UNC5D: variants seen among roughly 807,000 people sequenced by gnomAD.
UNC5D encodes unc-5 netrin receptor D, also known as netrin receptor UNC5D.
A neutral mutation model predicts 105.4 loss-of-function variants in UNC5D; 39 were observed. The ratio of observed to expected loss-of-function variants is 0.37; its 90% CI spans 0.29 to 0.48. The LOEUF (loss-of-function observed/expected upper bound fraction) is 0.48. Ranked by LOEUF, UNC5D falls within the 20% of genes least tolerant of loss-of-function variation. UNC5D has a pLI of 0.98. For synonymous variants in UNC5D, 452 were observed against 450.4 expected (o/e 1.00, Z -0.04); for missense variants, 991 against 1,202.4 (o/e 0.82, Z 2.60).
intron 3 of UNC5D, among the ~76,000 whole-genome samples, chr8:35,592,584 A>G (rs538489672): frequency 6.6e-6 from 1 of 152,294 alleles, no homozygotes; most frequent in African/African-American, 2.4e-5. Context: ...TATATTTAGT[A>G]GCTAACTTGA....
At chr8:35,771,421 C>CA (rs1410520238) in intron 15 of UNC5D, among the ~76,000 whole-genome samples, 14 of 151,130 alleles carry the variant, frequency 9.3e-5, no homozygotes, top group African/African-American at 1.9e-4. Flanking sequence ...TGTATAGAAT[C>CA]AAAAAAAAAT....
intron 1 of UNC5D, among the ~76,000 whole-genome samples, chr8:35,414,602 A>G (rs1210119676): frequency 6.6e-6 from 1 of 152,176 alleles, no homozygotes. Context: ...AAAATTACAC[A>G]GGCCATAAGT....
At chr8:35,476,811 T>G (rs1248605499) in intron 1 of UNC5D, among the ~76,000 whole-genome samples, 1 of 152,202 alleles carries the variant, frequency 6.6e-6, no homozygotes, top group Non-Finnish European at 1.5e-5. Context: ...AAATGAAGGA[T>G]TTTGCATACA....
At chr8:35,657,957 G>A (rs1223481675) in intron 4 of UNC5D, among the ~76,000 whole-genome samples, 4 of 152,088 alleles carry the variant, frequency 2.6e-5, no homozygotes, top group Non-Finnish European at 5.9e-5. Flanking sequence ...AGTAGGAATA[G>A]AAAGGTTTTA....
intron 1 of UNC5D, among the ~76,000 whole-genome samples, chr8:35,377,223 T>C (rs1041556031): frequency 3.9e-5 from 6 of 152,192 alleles, no homozygotes; most frequent in African/African-American, 1.4e-4. Flanking sequence ...CAATCTGAGC[T>C]GGGATGCAGT....
chr8:35,774,195 C>T (rs1802133649), intron 15 of UNC5D, 104 bp from the exon 16 acceptor site: 6 of 1,279,178 alleles, frequency 4.7e-6, no homozygotes, highest in African/African-American at 1.5e-5. Context: ...AACAGGCAAG[C>T]ATTTTGTGCA....
chr8:35,692,750 G>A (rs192815619), intron 7 of UNC5D, among the ~76,000 whole-genome samples: 4 of 152,266 alleles, frequency 2.6e-5, no homozygotes, highest in African/African-American at 4.8e-5. Flanking sequence ...TAACATACCA[G>A]CACAATATAT....
At chr8:35,533,238 T>C (rs1291825093) in intron 1 of UNC5D, among the ~76,000 whole-genome samples, 1 of 152,252 alleles carries the variant, frequency 6.6e-6, no homozygotes, top group Non-Finnish European at 1.5e-5. Context: ...ATGGATGTCC[T>C]TTCTGTTTGT....
chr8:35,533,608 A>G (rs1814582664), intron 1 of UNC5D, among the ~76,000 whole-genome samples: 1 of 152,180 alleles, frequency 6.6e-6, no homozygotes, highest in Admixed American at 6.5e-5. Flanking sequence ...TTGTTTACCT[A>G]AGCAAGCCTG....
chr8:35,746,142 C>T (rs375606070), intron 11 of UNC5D, among the ~76,000 whole-genome samples: 11 of 152,078 alleles, frequency 7.2e-5, no homozygotes, highest in South Asian at 2.1e-4. Context: ...CAGAAATCTC[C>T]GGTAACAGAG....
chr8:35,254,127 T>C (rs1245024397), intron 1 of UNC5D, among the ~76,000 whole-genome samples: 2 of 152,214 alleles, frequency 1.3e-5, no homozygotes, highest in Non-Finnish European at 2.9e-5. Context: ...ATTTCTCTTT[T>C]GCTCCCAATT....
chr8:35,706,609 C>A (rs998057330), intron 8 of UNC5D, among the ~76,000 whole-genome samples: 1 of 152,092 alleles, frequency 6.6e-6, no homozygotes, highest in Admixed American at 6.6e-5. Flanking sequence ...AATTTCCAGG[C>A]TGTATCAAGG....
At chr8:35,503,911 G>A (rs1210388646) in intron 1 of UNC5D, among the ~76,000 whole-genome samples, 2 of 152,306 alleles carry the variant, frequency 1.3e-5, no homozygotes, top group South Asian at 2.1e-4. Flanking sequence ...CCGGCACAGT[G>A]CTTATTAGCA....
rs10601544 is a variant in UNC5D, at chr8:35,281,422, C to CT, written c.103+45548dup. Among the ~76,000 whole-genome samples, 858 of 142,270 alleles carry CT rather than the reference C, an allele frequency of 6.0e-3. 5 individuals carry two copies. The highest frequency in any genetic ancestry group is 0.017 in the African/African-American group (647 of 38,642). 93.3% of individuals were successfully genotyped at this position (142,270 alleles called of 152,430 possible). ...CTTTCTCTTTTAATACTTTTTTTTTCTTTTTTTTTTTTTGCCAAACTCCTC... is the reference window on the plus strand; with the variant it reads ...CTTTCTCTTTTAATACTTTTTTTTTCTTTTTTTTTTTTTTGCCAAACTCCTC... On this transcript the variant is annotated intron_variant, in intron 1 of 16. Transcript: ENST00000404895.
chr8:35,305,917 C>T (rs13282296), intron 1 of UNC5D, among the ~76,000 whole-genome samples: 1 of 133,466 alleles, frequency 7.5e-6, no homozygotes. Flanking sequence ...TTCTTTCATT[C>T]TTTTCTCTCT....
At chr8:35,628,063 A>G (rs1821799357) in intron 4 of UNC5D, among the ~76,000 whole-genome samples, 1 of 152,192 alleles carries the variant, frequency 6.6e-6, no homozygotes, top group Non-Finnish European at 1.5e-5. Context: ...GACCTAATCA[A>G]TTGTAAAAAT....
At chr8:35,555,913 A>G (rs1287299747) in intron 2 of UNC5D, among the ~76,000 whole-genome samples, 2 of 151,278 alleles carry the variant, frequency 1.3e-5, no homozygotes, top group African/African-American at 4.9e-5. Context: ...ACACACACAC[A>G]CACACACACA....
At chr8:35,488,929 G>A (rs1811010449) in intron 1 of UNC5D, among the ~76,000 whole-genome samples, 1 of 152,050 alleles carries the variant, frequency 6.6e-6, no homozygotes, top group Non-Finnish European at 1.5e-5. Flanking sequence ...GAGATGAATG[G>A]ATTTTGCATG....
chr8:35,319,645 T>C lies in UNC5D; in HGVS notation c.103+83758T>C, dbSNP rs1160195003. ...AGATAAATTGATTTCAGCTTACATA[T>C]TGAGGAATCCAGAAAGGAATAAGAC... On this transcript the variant is annotated intron_variant, in intron 1 of 16. Coordinates refer to ENST00000404895, the MANE Select transcript of UNC5D (RefSeq NM_080872.4). 3.3e-5 allele frequency among the ~76,000 whole-genome samples: 5 copies of C among 152,206 alleles called. No homozygotes were observed. The East Asian group carries it at 5.8e-4, about 18-fold the overall frequency.
Sources: allele counts gnomAD v4.1 joint callset (sites outside exome capture counted in the v4.1 genomes callset), GRCh38; gene constraint gnomAD v4.1.1; transcripts MANE v1.5; gene names NCBI Gene and HGNC (gene_info 2026-07-23, HGNC 2026-07-21).